ITSN1: variants seen among roughly 807,000 people sequenced by gnomAD.
ITSN1 encodes the protein intersectin-1.
ITSN1 carries 58 observed loss-of-function variants against 239.8 expected under a neutral mutation model. The ratio of observed to expected loss-of-function variants is 0.24; its 90% CI spans 0.20 to 0.30. The LOEUF is 0.30. Ranked by LOEUF, ITSN1 falls within the 10% of genes least tolerant of loss-of-function variation. The pLI is 1.00. For synonymous variants in ITSN1, 780 were observed against 770.8 expected (o/e 1.01, Z -0.20); for missense variants, 1,558 against 2,103.3 (o/e 0.74, Z 5.07).
Position 33,882,035 on chromosome 21 carries a change from C to A in ITSN1, c.4342-208C>A, listed in dbSNP as rs545537835. ...CTAGAGGAAAAGCCTTAGAAATTAC[C>A]ATTGAGACTCTTCTTGATACTTGGA... On this transcript the variant is annotated intron_variant, in intron 34 of 39. Coordinates refer to ENST00000381318, the MANE Select transcript of ITSN1 (RefSeq NM_003024.3). The surrounding 1 kb of genome is among the most constrained non-coding windows in gnomAD (Gnocchi z 4.5). Among the ~76,000 whole-genome samples, 2 of 151,968 alleles carry A rather than the reference C, an allele frequency of 1.3e-5. No homozygotes were observed. The highest frequency in any genetic ancestry group is 1.3e-4 in the Admixed American group (2 of 15,262).
chr21:33,874,137 C>G (rs1262541532), intron 33 of ITSN1, among the ~76,000 whole-genome samples: 1 of 85,260 alleles, frequency 1.2e-5, no homozygotes, highest in Non-Finnish European at 2.2e-5. Context: ...GCCTGGGCAA[C>G]AAGAGCAAAA....
intron 27 of ITSN1, among the ~76,000 whole-genome samples, chr21:33,830,596 G>A (rs1334670358): frequency 6.6e-6 from 1 of 152,130 alleles, no homozygotes; most frequent in Non-Finnish European, 1.5e-5. Context: ...TCGAAAGGGG[G>A]CTAAAGAGGC....
chr21:33,806,882 G>C (rs553222963), intron 20 of ITSN1, among the ~76,000 whole-genome samples: 3 of 152,272 alleles, frequency 2.0e-5, no homozygotes, highest in African/African-American at 7.2e-5. Context: ...TTCTTGGTCT[G>C]CCATAATCTT....
At chr21:33,721,108 A>G in intron 2 of ITSN1, 70 bp from the exon 3 acceptor site, 2 of 939,216 alleles carry the variant, frequency 2.1e-6, no homozygotes, top group East Asian at 2.4e-5. Flanking sequence ...TGCTGTGGAA[A>G]TAGTGTGTGA....
At chr21:33,781,303 A>G (rs1248745191) in intron 14 of ITSN1, among the ~76,000 whole-genome samples, 158 bp from the exon 15 acceptor site, 3 of 152,166 alleles carry the variant, frequency 2.0e-5, no homozygotes, top group Non-Finnish European at 2.9e-5. Flanking sequence ...TTTCTTGGAA[A>G]GAAAGCAGGA....
At position 33,888,334 on chromosome 21, in the gene ITSN1, A is replaced by T. The variant is rs1201974907; in HGVS notation, c.*34A>T. On this transcript the variant is annotated 3_prime_UTR_variant, in exon 40 of 40. Transcript: ENST00000381318. Reference sequence around the variant, plus strand: ...CTCAGGGTGTGCTCAGCAGGGTCCCAGCCCACGGCCACACATGCTGTCTGG... The same window carrying T: ...CTCAGGGTGTGCTCAGCAGGGTCCCTGCCCACGGCCACACATGCTGTCTGG... The T allele has an allele frequency of 1.3e-6, 2 of 1,580,400 alleles. No individual in the cohort carries two copies. The highest frequency in any genetic ancestry group is 3.7e-5 in the Admixed American group (2 of 54,750).
At chr21:33,749,187 G>A (rs1033176164) in intron 5 of ITSN1, among the ~76,000 whole-genome samples, 2 of 151,932 alleles carry the variant, frequency 1.3e-5, no homozygotes, top group African/African-American at 4.8e-5. Flanking sequence ...ATGGGATTTT[G>A]CTATGTTGCC....
intron 1 of ITSN1, among the ~76,000 whole-genome samples, chr21:33,681,948 A>G (rs76989445): frequency 6.6e-6 from 1 of 151,796 alleles, no homozygotes; most frequent in Admixed American, 6.6e-5. Context: ...GATTACAGGC[A>G]TGAACCACCG....
At chr21:33,665,598 T>A (rs2089878759) in intron 1 of ITSN1, among the ~76,000 whole-genome samples, 1 of 152,154 alleles carries the variant, frequency 6.6e-6, no homozygotes, top group African/African-American at 2.4e-5. Context: ...ATTAGATAGA[T>A]ACAGAGTTAT....
At position 33,811,369 on chromosome 21, in the gene ITSN1, G is replaced by A. The variant is rs182197568; in HGVS notation, c.2567+147G>A. ...TTCAGTACTCCTTTCTCTAGCTGGCGAATTGGAGATTACAGTCCCTGAACT... is the reference window on the plus strand; with the variant it reads ...TTCAGTACTCCTTTCTCTAGCTGGCAAATTGGAGATTACAGTCCCTGAACT... On this transcript the variant is annotated intron_variant, in intron 21 of 39. Coordinates refer to ENST00000381318, the MANE Select transcript of ITSN1 (RefSeq NM_003024.3). 667 of 683,516 alleles carry A rather than the reference G, an allele frequency of 9.8e-4. 3 individuals are homozygous for A. In the African/African-American group the frequency reaches 0.011, roughly 11 times the overall value. 42.3% of individuals were successfully genotyped at this position (683,516 alleles called of 1,614,324 possible).
chr21:33,668,536 T>C (rs554017039), intron 1 of ITSN1, among the ~76,000 whole-genome samples: 3 of 152,330 alleles, frequency 2.0e-5, no homozygotes, highest in South Asian at 4.2e-4. Context: ...CTTTCTAGGG[T>C]CCACGACCTT....
At chr21:33,702,324 C>T (rs545965669) in intron 1 of ITSN1, among the ~76,000 whole-genome samples, 2 of 151,920 alleles carry the variant, frequency 1.3e-5, no homozygotes, top group Non-Finnish European at 2.9e-5. Flanking sequence ...GCCATGTTGG[C>T]CAGGCTGGTC....
At chr21:33,710,171 C>T (rs548701239) in intron 1 of ITSN1, among the ~76,000 whole-genome samples, 109 of 151,606 alleles carry the variant, frequency 7.2e-4, no homozygotes, top group African/African-American at 2.5e-3. Context: ...CTCTGCCTCC[C>T]GGGTTCACGC....
intron 17 of ITSN1, among the ~76,000 whole-genome samples, chr21:33,796,179 T>C (rs1432410659): frequency 6.6e-6 from 1 of 151,982 alleles, no homozygotes; most frequent in Non-Finnish European, 1.5e-5. Context: ...GGTCTAGAAC[T>C]CCTGGCTGGT....
chr21:33,648,001 C>T (rs1037178932), intron 1 of ITSN1, among the ~76,000 whole-genome samples: 2 of 152,078 alleles, frequency 1.3e-5, no homozygotes, highest in African/African-American at 4.8e-5. Flanking sequence ...TTTTTAAATC[C>T]GTATTTCCAA....
intron 16 of ITSN1, among the ~76,000 whole-genome samples, chr21:33,792,093 A>T (rs943256753): frequency 6.6e-6 from 1 of 152,230 alleles, no homozygotes; most frequent in African/African-American, 2.4e-5. Context: ...GATTTATCAG[A>T]TCCCAAAACT....
chr21:33,730,510 T>G (rs2147204198), intron 4 of ITSN1, among the ~76,000 whole-genome samples: 1 of 144,850 alleles, frequency 6.9e-6, no homozygotes, highest in African/African-American at 2.5e-5. Flanking sequence ...TAAGCAACTC[T>G]CTGCCTCAGC....
At chr21:33,673,255 G>C (rs1334305249) in intron 1 of ITSN1, among the ~76,000 whole-genome samples, 2 of 152,304 alleles carry the variant, frequency 1.3e-5, no homozygotes, top group African/African-American at 2.4e-5. Context: ...ATCGGGGGAA[G>C]GGGAAGTGGG....
chr21:33,729,995 T>C (rs1444765558), intron 4 of ITSN1, among the ~76,000 whole-genome samples: 1 of 152,226 alleles, frequency 6.6e-6, no homozygotes, highest in Non-Finnish European at 1.5e-5. Context: ...AGAGGACATA[T>C]AAAGTACTAT....
Sources: allele counts gnomAD v4.1 joint callset (sites outside exome capture counted in the v4.1 genomes callset), GRCh38; gene constraint gnomAD v4.1.1; non-coding constraint Gnocchi (gnomAD v3.1); transcripts MANE v1.5; gene names NCBI Gene and HGNC (gene_info 2026-07-23, HGNC 2026-07-21).